LEKR1: variants seen among roughly 807,000 people sequenced by gnomAD.
LEKR1 encodes protein LEKR1.
A neutral mutation model predicts 72.4 loss-of-function variants in LEKR1; 59 were observed. That is an observed-to-expected ratio of 0.82 (90% CI 0.66 to 1.01). LEKR1 has a LOEUF of 1.01. Among genes scored for constraint, LEKR1 ranks in the 50% least tolerant of loss-of-function variants. The probability of loss-of-function intolerance (pLI) is 0.00; values close to 1 mark genes in which losing one functional copy is unlikely to be tolerated. For synonymous variants in LEKR1, 257 were observed against 263.2 expected, an observed-to-expected ratio of 0.98 and a Z score of 0.23; for missense variants, 728 against 759.2, an observed-to-expected ratio of 0.96 and a Z score of 0.48.
At chr3:157,012,579 A>G (rs1732980068) in intron 10 of LEKR1, among the ~76,000 whole-genome samples, 1 of 152,158 alleles carries the variant, frequency 6.6e-6, no homozygotes, top group African/African-American at 2.4e-5. Flanking sequence ...TTCATTTCCA[A>G]TCTTCAAACA....
rs149308534 is a variant in LEKR1 at position 157,034,867 on chromosome 3, C to T, written c.1668+6465C>T. Among the ~76,000 whole-genome samples, 860 of 152,122 alleles carry T rather than the reference C, an allele frequency of 5.7e-3. 4 individuals carry two copies. Among genetic ancestry groups the T allele is most frequent in the African/African-American group, 0.02 (810 of 41,486 alleles). The stretch of plus-strand genomic sequence containing the variant: ...TCACTCTGTTGCCCAGGCTGGAGTG[C>T]AGTGGCGCAATCTCAGCTCACTGCA... On this transcript the variant is annotated intron_variant, in intron 12 of 12. Transcript: ENST00000356539.
At position 157,028,142 on chromosome 3, in the gene LEKR1, C is replaced by A; in HGVS notation, c.1408C>A (p.Gln470Lys). The A allele has an allele frequency of 6.2e-7, 1 of 1,606,314 alleles. No individual in the cohort carries two copies. Among genetic ancestry groups the A allele is most frequent in the Non-Finnish European group, 8.5e-7 (1 of 1,175,712 alleles). ...CACAGGCGCTACAAGAGATCTAAGG[C>A]AGGAAGTGACCACTCTTAAAGAAAA... ...LITGATRDLR[Q>K]EVTTLKEKLH... Residue 470 changes from glutamine (Q) to lysine (K), a missense_variant, in exon 12 of 13, where the codon CAG becomes AAG. Coordinates refer to ENST00000356539, the MANE Select transcript of LEKR1 (RefSeq NM_001004316.3).
intron 12 of LEKR1, 83 bp from the exon 13 acceptor site, chr3:157,045,257 C>A: frequency 1.7e-6 from 2 of 1,181,934 alleles, no homozygotes; most frequent in Non-Finnish European, 2.4e-6. Flanking sequence ...CAGTTCTGTT[C>A]TCAAATTGTA....
In LEKR1 at chr3:156,942,624, G is replaced by A. The variant is rs1166630084; in HGVS notation, c.655G>A (p.Ala219Thr). 6.3e-6 allele frequency: 8 copies of A among 1,268,926 alleles called. No individual in the cohort carries two copies. Among genetic ancestry groups the A allele is most frequent in the Non-Finnish European group, 7.2e-6 (7 of 978,028 alleles). 78.6% of individuals were successfully genotyped at this position (1,268,926 alleles called of 1,614,324 possible). ...MKNLKLLSDA[A>T]ILRSQQIRTS... ...AAATCTGAAATTGTTGTCAGATGCA[G>A]CCATATTGAGATCTCAGCAGATTCG... The change falls in exon 6 of 13, where the codon GCC becomes ACC. Residue 219 changes from alanine (A) to threonine (T), a missense_variant. Physicochemically the swap from Ala to Thr is moderately conservative, Grantham distance 58. Coordinates refer to ENST00000356539, the MANE Select transcript of LEKR1 (RefSeq NM_001004316.3).
intron 2 of LEKR1, among the ~76,000 whole-genome samples, chr3:156,849,102 AT>A (rs1714997428): frequency 6.6e-6 from 1 of 152,140 alleles, no homozygotes; most frequent in South Asian, 2.1e-4. Flanking sequence ...AAGCATTCTT[AT>A]ACACCAATAA....
At chr3:156,975,135 G>A (rs1729581155) in intron 6 of LEKR1, among the ~76,000 whole-genome samples, 1 of 152,132 alleles carries the variant, frequency 6.6e-6, no homozygotes, top group Non-Finnish European at 1.5e-5. Context: ...GGAGTTAACA[G>A]TTAACAGGAA....
intron 6 of LEKR1, among the ~76,000 whole-genome samples, chr3:156,968,891 G>T (rs576707168): frequency 6.6e-6 from 1 of 152,306 alleles, no homozygotes; most frequent in African/African-American, 2.4e-5. Context: ...GCACTCCTCA[G>T]CAAATGTACA....
chr3:157,039,108 T>C (rs1182586111), intron 12 of LEKR1, among the ~76,000 whole-genome samples: 3 of 152,214 alleles, frequency 2.0e-5, no homozygotes, highest in Non-Finnish European at 2.9e-5. Flanking sequence ...TGTGTATCTC[T>C]ACAGGGCTAC....
In LEKR1 at chr3:156,861,404, A is replaced by C. The variant is rs569848761; in HGVS notation, c.263+8422A>C. Among the ~76,000 whole-genome samples the C allele has an allele frequency of 2.0e-5, 3 of 152,292 alleles. No individual in the cohort carries two copies. The South Asian group carries it at 6.2e-4, about 32-fold the overall frequency. On this transcript the variant is annotated intron_variant, in intron 3 of 12. Coordinates refer to ENST00000356539, the MANE Select transcript of LEKR1 (RefSeq NM_001004316.3). Reference sequence around the variant, plus strand: ...TAATTTTGAATAATCAAGATTTGATAGAACAAAGAACTGATGCAGAACTGT... The same window carrying C: ...TAATTTTGAATAATCAAGATTTGATCGAACAAAGAACTGATGCAGAACTGT...
At chr3:156,917,015 C>A (rs1294790931) in intron 3 of LEKR1, among the ~76,000 whole-genome samples, 1 of 151,960 alleles carries the variant, frequency 6.6e-6, no homozygotes, top group African/African-American at 2.4e-5. Flanking sequence ...AGCAATGCAG[C>A]AAACTGAAGA....
chr3:157,003,315 T>C (rs982069209), intron 9 of LEKR1, among the ~76,000 whole-genome samples: 2 of 152,250 alleles, frequency 1.3e-5, no homozygotes, highest in Non-Finnish European at 1.5e-5. Context: ...ATATTATTGC[T>C]GAAGCTGTAC....
intron 2 of LEKR1, among the ~76,000 whole-genome samples, chr3:156,840,750 C>T (rs1713805392): frequency 6.6e-6 from 1 of 152,156 alleles, no homozygotes; most frequent in Non-Finnish European, 1.5e-5. Flanking sequence ...TTTACATTTA[C>T]CATAAAAGAC....
At chr3:157,004,919 A>T (rs1017683372) in intron 9 of LEKR1, among the ~76,000 whole-genome samples, 2 of 152,090 alleles carry the variant, frequency 1.3e-5, no homozygotes, top group African/African-American at 2.4e-5. Flanking sequence ...TTCCCAAGAT[A>T]GGCAGAAGAA....
intron 9 of LEKR1, among the ~76,000 whole-genome samples, 176 bp from the exon 10 acceptor site, chr3:157,011,237 C>T (rs1732862672): frequency 6.6e-6 from 1 of 152,028 alleles, no homozygotes. Flanking sequence ...ACAAGTGCTG[C>T]ATAGCACTTG....
At chr3:157,001,510 G>T (rs1052768083) in intron 9 of LEKR1, among the ~76,000 whole-genome samples, 1 of 152,144 alleles carries the variant, frequency 6.6e-6, no homozygotes, top group Admixed American at 6.6e-5. Flanking sequence ...ATCTGGATTC[G>T]CATGTACATA....
At chr3:156,906,804 A>G (rs1722573382) in intron 3 of LEKR1, among the ~76,000 whole-genome samples, 1 of 152,194 alleles carries the variant, frequency 6.6e-6, no homozygotes, top group South Asian at 2.1e-4. Context: ...ATTCATTTGG[A>G]TAAATATATA....
At chr3:156,892,779 ATCT>A (rs1157858942) in intron 3 of LEKR1, among the ~76,000 whole-genome samples, 2 of 152,214 alleles carry the variant, frequency 1.3e-5, no homozygotes, top group Non-Finnish European at 2.9e-5. Context: ...TGACCAATCA[ATCT>A]TCTTATTAAC....
chr3:156,866,981 C>T (rs948413836), intron 3 of LEKR1, among the ~76,000 whole-genome samples: 3 of 152,014 alleles, frequency 2.0e-5, no homozygotes, highest in African/African-American at 7.2e-5. Context: ...CTCTGAGTTA[C>T]AGGTTTCATT....
chr3:156,838,542 A>G (rs1713463553), intron 2 of LEKR1, among the ~76,000 whole-genome samples: 2 of 152,216 alleles, frequency 1.3e-5, no homozygotes. Context: ...AGCAGAACCA[A>G]GAACCCCAGT....
Sources: allele counts gnomAD v4.1 joint callset (sites outside exome capture counted in the v4.1 genomes callset), GRCh38; gene constraint gnomAD v4.1.1; transcripts MANE v1.5; gene names NCBI Gene and HGNC (gene_info 2026-07-23, HGNC 2026-07-21).